Variants in ENOX1 observed in about 807,000 individuals in gnomAD.
ENOX1 encodes the protein ecto-NOX disulfide-thiol exchanger 1.
Under a neutral mutation model 82.5 loss-of-function variants are expected in ENOX1, and 42 were observed. The observed-to-expected ratio is 0.51, with a 90% CI of 0.40 to 0.66. The LOEUF (loss-of-function observed/expected upper bound fraction) is 0.66. Ranked by LOEUF, ENOX1 falls within the 30% of genes least tolerant of loss-of-function variation. The pLI, the probability that ENOX1 is intolerant of heterozygous loss-of-function variation, is 0.00. For missense variants in ENOX1, 608 were observed against 811.6 expected, an observed-to-expected ratio of 0.75 and a Z score of 3.05; for synonymous variants, 271 against 282.2, an observed-to-expected ratio of 0.96 and a Z score of 0.40.
At chr13:43,721,123 C>A (rs2088545647) in intron 1 of ENOX1, among the ~76,000 whole-genome samples, 1 of 152,162 alleles carries the variant, frequency 6.6e-6, no homozygotes, top group African/African-American at 2.4e-5. Flanking sequence ...ATAAAAACAA[C>A]TGAGTTTTGT....
intron 1 of ENOX1, among the ~76,000 whole-genome samples, chr13:43,782,356 A>G (rs1952324832): frequency 1.3e-5 from 2 of 152,240 alleles, no homozygotes; most frequent in African/African-American, 4.8e-5. Context: ...TGGATCTGAA[A>G]CAAGTACTTC....
At chr13:43,769,442 A>T (rs140346434) in intron 1 of ENOX1, among the ~76,000 whole-genome samples, 87 of 152,302 alleles carry the variant, frequency 5.7e-4, no homozygotes, top group African/African-American at 1.9e-3. Flanking sequence ...TACTAAATTC[A>T]ACTGCAAGAA....
rs192109139 is a variant in ENOX1, at chr13:43,771,826, G to A, written c.-285+14826C>T. On this transcript the variant is annotated intron_variant, in intron 1 of 16. Coordinates refer to ENST00000690772, the MANE Select transcript of ENOX1 (RefSeq NM_001347969.2). ...GTCGCCCAGGTTGGAGTGCAGTGGC[G>A]CCATCTTGGCTCACTGCAAGCTCCA... Among the ~76,000 whole-genome samples the A allele has an allele frequency of 1.5e-4, 22 of 150,984 alleles. No homozygotes were observed. In the East Asian group the frequency reaches 4.3e-3, roughly 30 times the overall value.
intron 2 of ENOX1, among the ~76,000 whole-genome samples, chr13:43,647,424 G>T (rs1284884241): frequency 2.0e-5 from 3 of 152,150 alleles, no homozygotes; most frequent in African/African-American, 7.2e-5. Flanking sequence ...TGATTGTCAG[G>T]CTTGGTTAGG....
intron 3 of ENOX1, among the ~76,000 whole-genome samples, chr13:43,482,833 G>T (rs761475186): frequency 4.6e-5 from 7 of 152,080 alleles, no homozygotes; most frequent in Non-Finnish European, 7.4e-5. Flanking sequence ...CAGTTATTAG[G>T]TTCCAGCACA....
At chr13:43,392,491 C>A (rs2052849486) in intron 5 of ENOX1, among the ~76,000 whole-genome samples, 1 of 152,042 alleles carries the variant, frequency 6.6e-6, no homozygotes, top group Admixed American at 6.6e-5. Flanking sequence ...CCAGCCTGGC[C>A]AATGTGGTGA....
intron 10 of ENOX1, among the ~76,000 whole-genome samples, 171 bp from the exon 11 acceptor site, chr13:43,322,672 A>G (rs949060193): frequency 1.3e-5 from 2 of 152,200 alleles, no homozygotes; most frequent in African/African-American, 2.4e-5. Context: ...GGTACAGGGG[A>G]GACTGAGGTC....
chr13:43,542,569 G>A (rs1357685227), intron 2 of ENOX1, among the ~76,000 whole-genome samples: 1 of 151,986 alleles, frequency 6.6e-6, no homozygotes, highest in African/African-American at 2.4e-5. Flanking sequence ...CGGAGTAGCT[G>A]GGATTACAGG....
chr13:43,267,534 C>T (rs535206986), intron 13 of ENOX1, among the ~76,000 whole-genome samples: 7 of 152,312 alleles, frequency 4.6e-5, no homozygotes, highest in African/African-American at 1.7e-4. Context: ...TGTATCTTTC[C>T]CTGCATGTGT....
chr13:43,689,907 G>A (rs756655574), intron 1 of ENOX1, among the ~76,000 whole-genome samples: 1 of 151,912 alleles, frequency 6.6e-6, no homozygotes, highest in Non-Finnish European at 1.5e-5. Context: ...TCTGTTCTTG[G>A]CTCTCAGTGG....
At chr13:43,519,004 C>T (rs1446694081) in intron 2 of ENOX1, among the ~76,000 whole-genome samples, 1 of 152,152 alleles carries the variant, frequency 6.6e-6, no homozygotes, top group Admixed American at 6.6e-5. Context: ...TCTCCCCACC[C>T]ATGTCAAGAG....
At chr13:43,759,376 A>T (rs1359174003) in intron 1 of ENOX1, among the ~76,000 whole-genome samples, 2 of 152,002 alleles carry the variant, frequency 1.3e-5, no homozygotes, top group African/African-American at 4.8e-5. Flanking sequence ...GGGATTACAG[A>T]TGTGAGCCAC....
At chr13:43,269,269 A>C (rs1031162848) in intron 13 of ENOX1, among the ~76,000 whole-genome samples, 2 of 152,242 alleles carry the variant, frequency 1.3e-5, no homozygotes, top group South Asian at 2.1e-4. Context: ...GGCAATCTAA[A>C]CAAGTACAGG....
chr13:43,222,531 C>T (rs1036605533), intron 16 of ENOX1, among the ~76,000 whole-genome samples: 5 of 152,154 alleles, frequency 3.3e-5, no homozygotes, highest in African/African-American at 1.2e-4. Context: ...TTAGCTCCTA[C>T]TAAAACAACA....
intron 2 of ENOX1, among the ~76,000 whole-genome samples, chr13:43,551,828 G>T (rs1487335062): frequency 6.6e-6 from 1 of 152,206 alleles, no homozygotes; most frequent in Non-Finnish European, 1.5e-5. Flanking sequence ...CAGACAAGAT[G>T]AGGTTATTTT....
rs184072443 is a variant in ENOX1 at position 43,577,168 on chromosome 13, G to A, written c.-219+90311C>T. 5.4e-4 allele frequency among the ~76,000 whole-genome samples: 82 copies of A among 151,752 alleles called. No homozygotes were observed. In the East Asian group the frequency reaches 0.011, roughly 21 times the overall value. Reference sequence around the variant, plus strand: ...TTTTTTTGAGACAGAGTCTCGCTCAGTCGCCCAGGCTGGAGTGCAATGGTG... The same window carrying A: ...TTTTTTTGAGACAGAGTCTCGCTCAATCGCCCAGGCTGGAGTGCAATGGTG... On this transcript the variant is annotated intron_variant, in intron 2 of 16. Transcript: ENST00000690772.
intron 2 of ENOX1, among the ~76,000 whole-genome samples, chr13:43,525,831 G>A (rs1363972168): frequency 1.3e-5 from 2 of 151,930 alleles, no homozygotes; most frequent in Non-Finnish European, 2.9e-5. Context: ...AGGCTGCTTG[G>A]GTTTTTGTTG....
chr13:43,617,484 CTTACTTT>C (rs1261479613), intron 2 of ENOX1, among the ~76,000 whole-genome samples: 1 of 152,182 alleles, frequency 6.6e-6, no homozygotes, highest in Non-Finnish European at 1.5e-5. Flanking sequence ...TGTTTATATG[CTTACTTT>C]TTAAACTTTT....
At chr13:43,421,945 A>T (rs1015109601) in intron 3 of ENOX1, among the ~76,000 whole-genome samples, 1 of 151,440 alleles carries the variant, frequency 6.6e-6, no homozygotes, top group East Asian at 1.9e-4. Flanking sequence ...AGAGGAAAGT[A>T]AAAAATGAAG....
Sources: allele counts gnomAD v4.1 joint callset (sites outside exome capture counted in the v4.1 genomes callset), GRCh38; gene constraint gnomAD v4.1.1; transcripts MANE v1.5; gene names NCBI Gene and HGNC (gene_info 2026-07-23, HGNC 2026-07-21).